EXOC4: variants seen among roughly 807,000 people sequenced by gnomAD.
EXOC4 encodes the protein SEC8-like 1.
Under a neutral mutation model 107.2 loss-of-function variants are expected in EXOC4, and 71 were observed. The observed-to-expected ratio is 0.66, with a 90% CI of 0.55 to 0.81. The LOEUF (loss-of-function observed/expected upper bound fraction) is 0.81, where lower values mean the gene tolerates loss of function less well. Ranked by LOEUF, EXOC4 falls within the 30% of genes least tolerant of loss-of-function variation. The probability of loss-of-function intolerance (pLI) is 0.00; values close to 1 mark genes in which losing one functional copy is unlikely to be tolerated. For synonymous variants in EXOC4, 456 were observed against 441.2 expected (o/e 1.03, Z -0.42); for missense variants, 1,108 against 1,189.6 (o/e 0.93, Z 1.01).
At chr7:134,015,813 T>G (rs1330457463) in intron 17 of EXOC4, among the ~76,000 whole-genome samples, 1 of 148,538 alleles carries the variant, frequency 6.7e-6, no homozygotes, top group East Asian at 2.0e-4. Flanking sequence ...AAGCGGAGGT[T>G]GGAGTGAGCT....
intron 14 of EXOC4, among the ~76,000 whole-genome samples, chr7:133,942,007 A>C (rs1800442470): frequency 6.6e-6 from 1 of 152,102 alleles, no homozygotes. Context: ...TCAGAACAAT[A>C]TATGACCTAC....
At chr7:133,958,268 C>CTTTT (rs5887652) in intron 14 of EXOC4, among the ~76,000 whole-genome samples, 1 of 150,178 alleles carries the variant, frequency 6.7e-6, no homozygotes. Flanking sequence ...ATTTCTTTTC[C>CTTTT]TTTTTTTTTC....
chr7:134,029,162 T>C (rs562719448), intron 17 of EXOC4, among the ~76,000 whole-genome samples: 2 of 152,352 alleles, frequency 1.3e-5, no homozygotes, highest in Admixed American at 6.5e-5. Context: ...CATTCTAATG[T>C]CTTCATTGTC....
intron 7 of EXOC4, among the ~76,000 whole-genome samples, chr7:133,381,995 TG>T (rs1796629643): frequency 6.6e-6 from 1 of 152,170 alleles, no homozygotes; most frequent in Non-Finnish European, 1.5e-5. Context: ...GTGATTCTTA[TG>T]CACACTGAAG....
chr7:134,071,867 G>A, the EXOC4 span, among the ~76,000 whole-genome samples: 1 of 152,126 alleles, frequency 6.6e-6, no homozygotes, highest in African/African-American at 2.4e-5. Context: ...GTGTGGCAAA[G>A]GCAGGGACTC....
chr7:133,820,963 G>T (rs7786100), intron 11 of EXOC4, among the ~76,000 whole-genome samples: 93,885 of 152,056 alleles, frequency 0.62, 31,577 homozygotes, highest in African/African-American at 0.9. Flanking sequence ...CACTTTCTAG[G>T]CACAGGTTCC....
intron 10 of EXOC4, among the ~76,000 whole-genome samples, chr7:133,750,454 A>G (rs191973773): frequency 6.6e-6 from 1 of 152,268 alleles, no homozygotes; most frequent in Non-Finnish European, 1.5e-5. Flanking sequence ...TGTAATGAAT[A>G]TATATGTAAA....
chr7:133,815,064 A>C (rs1208845053), intron 10 of EXOC4, among the ~76,000 whole-genome samples: 1 of 152,216 alleles, frequency 6.6e-6, no homozygotes, highest in Non-Finnish European at 1.5e-5. Flanking sequence ...CATGCAAAGC[A>C]ATCTTAATCA....
intron 1 of EXOC4, among the ~76,000 whole-genome samples, chr7:133,256,853 G>A (rs1051201355): frequency 5.9e-5 from 9 of 152,074 alleles, no homozygotes; most frequent in Admixed American, 2.6e-4. Context: ...GAATCTCATC[G>A]CTATTTCCAG....
chr7:133,737,378 G>C (rs1196298838), intron 10 of EXOC4, among the ~76,000 whole-genome samples: 1 of 151,474 alleles, frequency 6.6e-6, no homozygotes, highest in Non-Finnish European at 1.5e-5. Context: ...GCTGCTTGCT[G>C]TTCCCTAGCC....
chr7:133,921,223 A>G (rs527321885), intron 13 of EXOC4, among the ~76,000 whole-genome samples: 60 of 152,256 alleles, frequency 3.9e-4, no homozygotes, highest in African/African-American at 1.4e-3. Flanking sequence ...GAGAAAATGG[A>G]TGTCCTGCTC....
At position 133,305,955 on chromosome 7, in the gene EXOC4, A is replaced by G. The variant is rs1794744272; in HGVS notation, c.550A>G (p.Lys184Glu). The change falls in exon 4 of 18, where the codon AAG (lysine) becomes GAG (glutamate). Residue 184 changes from lysine (K) to glutamate (E), a missense_variant. Physicochemically the swap from Lys to Glu is moderately conservative, Grantham distance 56. Transcript: ENST00000253861. ...TGACCTTCGACTAGAGCTTCACAGC[A>G]AGAAGATGAACCTTCACTTGGTTCT... is the stretch of plus-strand genomic sequence containing the variant. ...LSDLRLELHS[K>E]KMNLHLVLID... is the part of the protein sequence containing the mutation. 1.9e-6 allele frequency: 3 copies of G among 1,613,922 alleles called. No individual in the cohort carries two copies. Among genetic ancestry groups the G allele is most frequent in the Non-Finnish European group, 2.5e-6 (3 of 1,179,896 alleles).
chr7:133,906,347 A>G (rs1799565510), intron 12 of EXOC4, among the ~76,000 whole-genome samples: 1 of 152,192 alleles, frequency 6.6e-6, no homozygotes, highest in Admixed American at 6.5e-5. Flanking sequence ...TTGGCCAACT[A>G]AGAATCCCTA....
intron 10 of EXOC4, among the ~76,000 whole-genome samples, chr7:133,776,504 C>T (rs1419528298): frequency 6.6e-6 from 1 of 152,130 alleles, no homozygotes; most frequent in African/African-American, 2.4e-5. Context: ...GCTAATTTAC[C>T]TTCTTGTGAA....
At chr7:133,396,577 A>C (rs1005406540) in intron 7 of EXOC4, among the ~76,000 whole-genome samples, 2 of 152,216 alleles carry the variant, frequency 1.3e-5, no homozygotes, top group Non-Finnish European at 2.9e-5. Flanking sequence ...TGAGGGGTTG[A>C]GTGGCAAGTT....
intron 11 of EXOC4, among the ~76,000 whole-genome samples, chr7:133,865,763 C>G (rs753804739): frequency 1.5e-4 from 23 of 152,084 alleles, no homozygotes; most frequent in Non-Finnish European, 2.6e-4. Context: ...TTTAAACAAC[C>G]AGATCTTGTG....
intron 9 of EXOC4, among the ~76,000 whole-genome samples, chr7:133,537,785 A>C (rs954537806): frequency 6.6e-6 from 1 of 152,172 alleles, no homozygotes; most frequent in African/African-American, 2.4e-5. Context: ...ATTTTTATCA[A>C]AGCATCTGTG....
chr7:133,667,245 G>T (rs1446823456), intron 10 of EXOC4, among the ~76,000 whole-genome samples: 1 of 152,212 alleles, frequency 6.6e-6, no homozygotes, highest in Non-Finnish European at 1.5e-5. Context: ...AAACACAGGA[G>T]CCAGGAGAGT....
At chr7:134,067,399 C>T (rs1350655564), downstream of EXOC4, among the ~76,000 whole-genome samples, 2 of 151,998 alleles carry the variant, frequency 1.3e-5, no homozygotes, top group African/African-American at 2.4e-5. Flanking sequence ...ACTTGGTTCT[C>T]AGAACAGCAG....
Sources: allele counts gnomAD v4.1 joint callset (sites outside exome capture counted in the v4.1 genomes callset), GRCh38; gene constraint gnomAD v4.1.1; transcripts MANE v1.5; gene names NCBI Gene and HGNC (gene_info 2026-07-23, HGNC 2026-07-21).